CNTN5: variants seen among roughly 807,000 people sequenced by gnomAD.
CNTN5 encodes the protein contactin 5, also known as contactin-5.
Under a neutral mutation model 129.1 loss-of-function variants are expected in CNTN5, and 77 were observed. That is an observed-to-expected ratio of 0.60 (90% CI 0.50 to 0.72). CNTN5 has a LOEUF of 0.72. Among genes scored for constraint, CNTN5 ranks in the 30% least tolerant of loss-of-function variants. CNTN5 has a pLI of 0.00. For missense variants in CNTN5, 1,478 were observed against 1,328.8 expected, an observed-to-expected ratio of 1.11 and a Z score of -1.75; for synonymous variants, 509 against 465.6, an observed-to-expected ratio of 1.09 and a Z score of -1.20.
chr11:100,115,485 T>C (rs1156730748), intron 13 of CNTN5, among the ~76,000 whole-genome samples: 1 of 151,770 alleles, frequency 6.6e-6, no homozygotes, highest in Non-Finnish European at 1.5e-5. Context: ...GGGGAAGAAG[T>C]TGAGTATATA....
intron 13 of CNTN5, among the ~76,000 whole-genome samples, chr11:100,169,224 T>C (rs1591348502): frequency 6.6e-6 from 1 of 152,008 alleles, no homozygotes; most frequent in African/African-American, 2.4e-5. Flanking sequence ...TTGAAGAGGG[T>C]TGACTCCTAT....
chr11:99,333,155 T>C (rs993653064), intron 2 of CNTN5, among the ~76,000 whole-genome samples: 3 of 151,984 alleles, frequency 2.0e-5, no homozygotes, highest in African/African-American at 7.2e-5. Flanking sequence ...TTGTAAAAAG[T>C]TTTATGCTTT....
In CNTN5 at chr11:99,596,192, A is replaced by G. The variant is rs680896; in HGVS notation, c.55+39923A>G. On this transcript the variant is annotated intron_variant, in intron 3 of 24. Coordinates refer to ENST00000524871, the MANE Select transcript of CNTN5 (RefSeq NM_014361.4). ...TTTGGAGCCACTTCAGGACTTTGCT[A>G]AAAATTACAGAGATCATTTACTTTG... 6.4e-3 allele frequency among the ~76,000 whole-genome samples: 967 copies of G among 152,232 alleles called. 13 individuals carry two copies. Among genetic ancestry groups the G allele is most frequent in the Non-Finnish European group, 7.9e-3 (534 of 68,008 alleles).
At chr11:100,256,925 C>T (rs1950083945) in intron 17 of CNTN5, among the ~76,000 whole-genome samples, 2 of 152,210 alleles carry the variant, frequency 1.3e-5, no homozygotes, top group South Asian at 2.1e-4. Flanking sequence ...CATACCCTAG[C>T]TGTGCCTGGA....
chr11:100,148,702 C>T (rs962938700), intron 13 of CNTN5, among the ~76,000 whole-genome samples: 1 of 119,994 alleles, frequency 8.3e-6, no homozygotes. Context: ...TGAAAAATTA[C>T]AGGTCAGATA....
chr11:100,139,828 G>A (rs116142680), intron 13 of CNTN5, among the ~76,000 whole-genome samples: 3 of 151,946 alleles, frequency 2.0e-5, no homozygotes, highest in African/African-American at 7.3e-5. Context: ...TAGCCTGGGT[G>A]ACAAGAGTGA....
Position 99,128,645 on chromosome 11 carries a change from T to C in CNTN5, c.-210+107375T>C, listed in dbSNP as rs144557623. Among the ~76,000 whole-genome samples, 6 of 152,230 alleles carry C rather than the reference T, an allele frequency of 3.9e-5. 1 individual carries two copies. The highest frequency in any genetic ancestry group is 1.2e-4 in the African/African-American group (5 of 41,528). The stretch of plus-strand genomic sequence containing the variant: ...TATACAAACTACTTCCTTAAGTGGG[T>C]CCCTCATCCTGTGCCTCCTGACTGG... On this transcript the variant is annotated intron_variant, in intron 1 of 24. Transcript: ENST00000524871.
chr11:100,052,185 C>T (rs981988848), intron 9 of CNTN5, among the ~76,000 whole-genome samples: 6 of 151,836 alleles, frequency 4.0e-5, no homozygotes, highest in African/African-American at 7.2e-5. Context: ...CCATTATACA[C>T]GATGAAACTG....
chr11:100,037,240 CT>C (rs1361076227), intron 9 of CNTN5, among the ~76,000 whole-genome samples: 1 of 146,466 alleles, frequency 6.8e-6, no homozygotes, highest in Non-Finnish European at 1.5e-5. Flanking sequence ...TGGTTTTTGT[CT>C]TTGGTTCTGT....
intron 21 of CNTN5, among the ~76,000 whole-genome samples, chr11:100,338,318 G>C (rs577491690): frequency 6.6e-6 from 1 of 152,252 alleles, no homozygotes; most frequent in East Asian, 1.9e-4. Flanking sequence ...CACTGGAAGA[G>C]GCAATCCTAG....
intron 1 of CNTN5, among the ~76,000 whole-genome samples, chr11:99,074,262 G>A (rs1865469768): frequency 6.7e-6 from 1 of 149,542 alleles, no homozygotes; most frequent in South Asian, 2.3e-4. Context: ...GTTCCTTGTA[G>A]ATTCTGGATA....
At chr11:100,210,174 C>CAAA (rs59613776) in intron 15 of CNTN5, among the ~76,000 whole-genome samples, 1 of 81,112 alleles carries the variant, frequency 1.2e-5, no homozygotes, top group Non-Finnish European at 2.8e-5. Flanking sequence ...TGCCTCTATA[C>CAAA]AAAAAAAAAA....
intron 8 of CNTN5, among the ~76,000 whole-genome samples, chr11:99,984,953 C>T (rs1250541002): frequency 2.6e-5 from 4 of 152,194 alleles, no homozygotes; most frequent in Non-Finnish European, 5.9e-5. Flanking sequence ...TGGAATCCTT[C>T]CAGCCACTGC....
intron 13 of CNTN5, among the ~76,000 whole-genome samples, chr11:100,178,924 C>T (rs888080483): frequency 2.0e-5 from 3 of 152,124 alleles, no homozygotes; most frequent in Non-Finnish European, 2.9e-5. Flanking sequence ...GGGAGAGCCA[C>T]CTGCTTAGTG....
intron 2 of CNTN5, among the ~76,000 whole-genome samples, chr11:99,450,212 A>G (rs1200882837): frequency 6.6e-6 from 1 of 151,550 alleles, no homozygotes. Flanking sequence ...AGAAACTCAG[A>G]GAATAAATAT....
intron 21 of CNTN5, among the ~76,000 whole-genome samples, chr11:100,315,435 G>C (rs1014071472): frequency 6.6e-6 from 1 of 152,220 alleles, no homozygotes; most frequent in Non-Finnish European, 1.5e-5. Flanking sequence ...AAGATGCTAA[G>C]AATAGTTTTG....
rs1481424595 is a variant in CNTN5, at chr11:99,340,847, C to A, written c.-71+15363C>A. ...TACATAAATCTACATTAAACATATT[C>A]ATGACCACAAAATATAATTCCATTG... On this transcript the variant is annotated intron_variant, in intron 2 of 24. Transcript: ENST00000524871. Among the ~76,000 whole-genome samples, 5 of 152,144 alleles carry A rather than the reference C, an allele frequency of 3.3e-5. No homozygotes were observed. The East Asian group carries it at 9.6e-4, about 29-fold the overall frequency.
intron 1 of CNTN5, among the ~76,000 whole-genome samples, chr11:99,079,994 G>C (rs1865725110): frequency 6.6e-6 from 1 of 152,116 alleles, no homozygotes; most frequent in South Asian, 2.1e-4. Context: ...ACAGAGTACT[G>C]TTATGCTTTA....
intron 2 of CNTN5, among the ~76,000 whole-genome samples, chr11:99,497,719 A>G (rs7931623): frequency 0.25 from 38,280 of 152,042 alleles, 5,356 homozygotes; most frequent in East Asian, 0.43. Flanking sequence ...ACTTCTTCCT[A>G]CCACTGTAAA....
Sources: gnomAD v4.1 joint callset for allele counts (sites outside exome capture counted in the v4.1 genomes callset) on GRCh38, gnomAD v4.1.1 for gene constraint, MANE v1.5 for transcripts, NCBI Gene and HGNC (gene_info 2026-07-23, HGNC 2026-07-21) for gene names.